NOTCH2: variants seen among roughly 807,000 people sequenced by gnomAD.
NOTCH2 encodes the protein notch receptor 2, also known as neurogenic locus notch homolog protein 2.
A neutral mutation model predicts 235.8 loss-of-function variants in NOTCH2; 29 were observed. The observed-to-expected ratio is 0.12, with a 90% CI of 0.09 to 0.17. The LOEUF is 0.17. NOTCH2 is among the 10% of genes least tolerant of loss of function. The pLI is 1.00. For missense variants in NOTCH2, 2,285 were observed against 3,150.2 expected (o/e 0.73, Z 6.57); for synonymous variants, 1,086 against 1,141.5 (o/e 0.95, Z 0.98).
At chr1:120,029,599 A>T (rs2725955) in intron 2 of NOTCH2, among the ~76,000 whole-genome samples, 3 of 152,004 alleles carry the variant, frequency 2.0e-5, no homozygotes, top group South Asian at 4.1e-4. Flanking sequence ...TTCGCCCAAC[A>T]CAGCCTCCTG....
chr1:120,006,954 A>G (rs1553206377), intron 2 of NOTCH2, among the ~76,000 whole-genome samples: 1 of 152,386 alleles, frequency 6.6e-6, no homozygotes, highest in African/African-American at 2.4e-5. Flanking sequence ...GAACTAAGAC[A>G]GAAAATGCCC....
chr1:119,951,716 C>T (rs1226868027), intron 14 of NOTCH2, among the ~76,000 whole-genome samples: 11 of 152,280 alleles, frequency 7.2e-5, no homozygotes, highest in African/African-American at 2.6e-4. Flanking sequence ...TACTGCACAC[C>T]TTTGCATCTC....
rs1553200152 is a variant in NOTCH2 at position 119,969,750 on chromosome 1, AG to A, written c.875-7del. The stretch of plus-strand genomic sequence containing the variant: ...ATCCTCTGTGCAGAACTGTCCTTTT[AG>A]GGGGAAATTACTTTTGATTAGGGCT... On this transcript the variant is annotated splice_region_variant and splice_polypyrimidine_tract_variant and intron_variant, in intron 5 of 33. Coordinates refer to ENST00000256646, the MANE Select transcript of NOTCH2 (RefSeq NM_024408.4). The A allele has an allele frequency of 3.1e-6, 5 of 1,613,494 alleles. No homozygotes were observed. Among genetic ancestry groups the A allele is most frequent in the African/African-American group, 1.3e-5 (1 of 75,020 alleles).
chr1:119,954,530 T>C (rs587752883), intron 13 of NOTCH2, among the ~76,000 whole-genome samples: 6 of 152,318 alleles, frequency 3.9e-5, no homozygotes, highest in African/African-American at 1.4e-4. Context: ...CACTCTATGA[T>C]TCTAGAAAAT....
Position 119,916,315 on chromosome 1 carries a change from C to G in NOTCH2, c.6407G>C (p.Ser2136Thr). Residue 2136 changes from serine (S) to threonine (T), a missense_variant, in exon 34 of 34, where the codon AGT becomes ACT. Physicochemically the swap from Ser to Thr is moderately conservative, Grantham distance 58 (BLOSUM62 1). Around this residue, in one of 6 missense-constraint regions of NOTCH2, gnomAD observed 504 missense variants for 538.0 expected, o/e 0.94. Coordinates refer to ENST00000256646, the MANE Select transcript of NOTCH2 (RefSeq NM_024408.4). ...AKGSRRKKSLSEKVQLSESSV... is the reference protein window; with the variant it reads ...AKGSRRKKSLTEKVQLSESSV... ...ACTCTCAGACAGTTGGACCTTCTCA[C>G]TCAGAGACTTCTTCCTCCTACTACC... 1 of 1,614,214 alleles carries G rather than the reference C, an allele frequency of 6.2e-7. No individual in the cohort carries two copies. Among genetic ancestry groups the G allele is most frequent in the Non-Finnish European group, 8.5e-7 (1 of 1,180,032 alleles).
intron 25 of NOTCH2, among the ~76,000 whole-genome samples, chr1:119,924,970 T>C (rs767677955): frequency 1.3e-5 from 2 of 152,190 alleles, no homozygotes; most frequent in African/African-American, 4.8e-5. Flanking sequence ...AAGAGAGAGA[T>C]ACAGACCTTT....
At chr1:119,981,951 A>G (rs1186048298) in intron 5 of NOTCH2, among the ~76,000 whole-genome samples, 1 of 152,158 alleles carries the variant, frequency 6.6e-6, no homozygotes, top group Non-Finnish European at 1.5e-5. Context: ...CCTAAAAAAA[A>G]AAAAGTAGAA....
At chr1:120,061,031 CAT>C (rs776332425) in intron 1 of NOTCH2, among the ~76,000 whole-genome samples, 1 of 124,970 alleles carries the variant, frequency 8.0e-6, no homozygotes, top group African/African-American at 3.0e-5. Flanking sequence ...TCGAAATACA[CAT>C]GTCCTCAAAC....
At chr1:120,037,862 C>A (rs1654374958) in intron 1 of NOTCH2, among the ~76,000 whole-genome samples, 1 of 151,836 alleles carries the variant, frequency 6.6e-6, no homozygotes, top group African/African-American at 2.4e-5. Flanking sequence ...TACTGCTTTT[C>A]AAAAACTGAA....
At chr1:120,060,766 T>A (rs2101424903) in intron 1 of NOTCH2, among the ~76,000 whole-genome samples, 1 of 149,394 alleles carries the variant, frequency 6.7e-6, no homozygotes, top group Non-Finnish European at 1.5e-5. Flanking sequence ...TGTTTTTAGT[T>A]ACAACTATTT....
At chr1:119,979,926 C>A (rs1332737292) in intron 5 of NOTCH2, among the ~76,000 whole-genome samples, 1 of 152,018 alleles carries the variant, frequency 6.6e-6, no homozygotes, top group African/African-American at 2.4e-5. Context: ...GAATTGAAGT[C>A]CTTTAAAAAT....
intron 11 of NOTCH2, among the ~76,000 whole-genome samples, chr1:119,961,897 C>T (rs1279193802): frequency 1.3e-5 from 2 of 152,202 alleles, no homozygotes; most frequent in Non-Finnish European, 2.9e-5. Context: ...GGAATTCTTA[C>T]TCTAGAACTT....
intron 4 of NOTCH2, 95 bp from the exon 5 acceptor site, chr1:119,987,177 C>T: frequency 7.0e-7 from 1 of 1,431,018 alleles, no homozygotes; most frequent in Non-Finnish European, 9.7e-7. Flanking sequence ...AATAGACCCG[C>T]TTCATGACTT....
chr1:120,041,022 C>T lies in NOTCH2; in HGVS notation c.74-11035G>A, dbSNP rs587713596. 9.6e-4 allele frequency among the ~76,000 whole-genome samples: 98 copies of T among 102,154 alleles called. No homozygotes were observed. In the South Asian group the frequency reaches 0.033, roughly 34 times the overall value. 67.0% of individuals were successfully genotyped at this position (102,154 alleles called of 152,430 possible). A position where few individuals can be genotyped will look rare whatever the true frequency, so the allele number is the denominator to read the frequency against. On this transcript the variant is annotated intron_variant, in intron 1 of 33. Coordinates refer to ENST00000256646, the MANE Select transcript of NOTCH2 (RefSeq NM_024408.4). ...TGCCACTGCACTCCAGCCTGGGCGA[C>T]AGAGCAAGACTCTGCCTGCAAAAAA...
intron 3 of NOTCH2, among the ~76,000 whole-genome samples, chr1:120,000,227 G>A (rs1338495881): frequency 1.3e-5 from 2 of 151,916 alleles, no homozygotes; most frequent in African/African-American, 4.8e-5. Flanking sequence ...GACAAAAATA[G>A]CATATGTATA....
intron 1 of NOTCH2, chr1:120,068,979 C>T (rs1655630002): frequency 7.2e-6 from 8 of 1,114,362 alleles, no homozygotes; most frequent in Non-Finnish European, 9.9e-6. Flanking sequence ...CGTCGGCTCT[C>T]GCTCGACCCC....
At chr1:119,948,946 C>A in intron 16 of NOTCH2, 61 bp downstream of exon 16, 1 of 1,610,716 alleles carries the variant, frequency 6.2e-7, no homozygotes, top group Non-Finnish European at 8.5e-7. Flanking sequence ...ATCTGATAAC[C>A]TGACCACTTT....
At chr1:119,935,057 C>A (rs1490048977) in intron 22 of NOTCH2, 2 of 955,690 alleles carry the variant, frequency 2.1e-6, no homozygotes, top group Admixed American at 1.2e-4. Context: ...TCATTTCATT[C>A]ATTCCCCCAC....
intron 11 of NOTCH2, among the ~76,000 whole-genome samples, chr1:119,963,199 G>GAAGA (rs1256924076): frequency 1.1e-4 from 16 of 151,448 alleles, no homozygotes; most frequent in African/African-American, 3.9e-4. Flanking sequence ...AGGAAGGAAG[G>GAAGA]AAGGAAGGAA....
Sources: allele counts gnomAD v4.1 joint callset (sites outside exome capture counted in the v4.1 genomes callset), GRCh38; gene constraint gnomAD v4.1.1; regional missense constraint gnomAD v4.1.1; transcripts MANE v1.5; gene names NCBI Gene and HGNC (gene_info 2026-07-23, HGNC 2026-07-21).